SKAP1: variants seen among roughly 807,000 people sequenced by gnomAD.
SKAP1 encodes the protein src kinase associated phosphoprotein 1.
A neutral mutation model predicts 58.5 loss-of-function variants in SKAP1; 44 were observed. That is an observed-to-expected ratio of 0.75 (90% CI 0.59 to 0.97). SKAP1 has a LOEUF of 0.97. Among genes scored for constraint, SKAP1 ranks in the 50% least tolerant of loss-of-function variants. The pLI is 0.00. For missense variants in SKAP1, 390 were observed against 435.2 expected, an observed-to-expected ratio of 0.90 and a Z score of 0.92; for synonymous variants, 127 against 149.7, an observed-to-expected ratio of 0.85 and a Z score of 1.11.
At chr17:48,292,575 A>G (rs1310523695) in intron 4 of SKAP1, among the ~76,000 whole-genome samples, 2 of 152,230 alleles carry the variant, frequency 1.3e-5, no homozygotes, top group African/African-American at 4.8e-5. Context: ...AGTATTTACA[A>G]GATTATTAAA....
At chr17:48,229,305 C>T (rs1441457702) in intron 4 of SKAP1, among the ~76,000 whole-genome samples, 2 of 152,100 alleles carry the variant, frequency 1.3e-5, no homozygotes, top group African/African-American at 4.8e-5. Context: ...GTTAGCAGTA[C>T]TAAACCTTTT....
intron 4 of SKAP1, among the ~76,000 whole-genome samples, chr17:48,226,350 T>C (rs2065067962): frequency 6.6e-6 from 1 of 152,160 alleles, no homozygotes; most frequent in Non-Finnish European, 1.5e-5. Context: ...AAGATACGTT[T>C]TTTTTTTCCT....
intron 9 of SKAP1, among the ~76,000 whole-genome samples, chr17:48,172,757 G>T (rs2064233970): frequency 2.0e-5 from 3 of 152,082 alleles, no homozygotes. Flanking sequence ...TGTTTATAGG[G>T]CAATATGAGT....
At chr17:48,165,058 C>T (rs1297715431) in intron 10 of SKAP1, among the ~76,000 whole-genome samples, 1 of 152,150 alleles carries the variant, frequency 6.6e-6, no homozygotes, top group African/African-American at 2.4e-5. Flanking sequence ...ACCTTCTAGT[C>T]GGGGAAGCAC....
At chr17:48,155,487 A>C (rs1000519363) in intron 11 of SKAP1, among the ~76,000 whole-genome samples, 1 of 152,150 alleles carries the variant, frequency 6.6e-6, no homozygotes, top group Non-Finnish European at 1.5e-5. Flanking sequence ...AGACAGGGTC[A>C]CTTTTCTGAA....
At chr17:48,371,265 C>A (rs1048428045) in intron 2 of SKAP1, among the ~76,000 whole-genome samples, 5 of 152,078 alleles carry the variant, frequency 3.3e-5, no homozygotes, top group East Asian at 1.9e-4. Flanking sequence ...ACATGTACCC[C>A]CTGTGTCCAA....
At chr17:48,311,465 C>CT (rs1407877024) in intron 4 of SKAP1, among the ~76,000 whole-genome samples, 5 of 152,020 alleles carry the variant, frequency 3.3e-5, no homozygotes, top group Non-Finnish European at 5.9e-5. Context: ...TAAATAATTG[C>CT]TTTTTTGCGG....
upstream of SKAP1, among the ~76,000 whole-genome samples, chr17:48,433,034 A>G (rs867416982): frequency 1.3e-5 from 2 of 152,260 alleles, no homozygotes; most frequent in Middle Eastern, 3.4e-3. Context: ...CCAATACGGT[A>G]TTGTCATGTT....
rs185000707 is a variant in SKAP1 at position 48,214,852 on chromosome 17, G to A, written c.281-25352C>T. ...CAGGAGAATTGCTTAAACCTGGGAG[G>A]CGGAGGTTGCAGTGAGCTGAGATTG... On this transcript the variant is annotated intron_variant, in intron 4 of 12. Coordinates refer to ENST00000336915, the MANE Select transcript of SKAP1 (RefSeq NM_003726.4). 2.1e-3 allele frequency among the ~76,000 whole-genome samples: 312 copies of A among 151,640 alleles called. 1 individual carries two copies. Among genetic ancestry groups the A allele is most frequent in the African/African-American group, 7.3e-3 (302 of 41,362 alleles).
intron 2 of SKAP1, among the ~76,000 whole-genome samples, chr17:48,386,948 G>T (rs550935759): frequency 1.0e-3 from 159 of 152,312 alleles, no homozygotes; most frequent in South Asian, 1.9e-3. Context: ...CCATATGGCA[G>T]CATAGAACAC....
intron 4 of SKAP1, among the ~76,000 whole-genome samples, chr17:48,329,715 C>CA (rs1311860021): frequency 2.0e-5 from 3 of 151,690 alleles, no homozygotes; most frequent in African/African-American, 4.8e-5. Flanking sequence ...CTAAAAAAAA[C>CA]AAAAAAACAA....
rs545451379 is a variant in SKAP1 at position 48,136,178 on chromosome 17, T to C, written c.*7+1051A>G. Among the ~76,000 whole-genome samples, 183 of 141,646 alleles carry C rather than the reference T, an allele frequency of 1.3e-3. 1 individual carries two copies. The Middle Eastern group carries it at 0.021, about 16-fold the overall frequency. 92.9% of individuals were successfully genotyped at this position (141,646 alleles called of 152,430 possible). ...GAAGAGGGTATGCTTTTCTCTCTCT[T>C]TTTTTTTTTTCTCAAGACAGTCTTG... is the stretch of plus-strand genomic sequence containing the variant. On this transcript the variant is annotated intron_variant, in intron 12 of 12. Coordinates refer to ENST00000336915, the MANE Select transcript of SKAP1 (RefSeq NM_003726.4).
chr17:48,298,829 AG>A (rs1316229864), intron 4 of SKAP1, among the ~76,000 whole-genome samples: 2 of 152,214 alleles, frequency 1.3e-5, no homozygotes, highest in Non-Finnish European at 2.9e-5. Flanking sequence ...GGAAGTGGGT[AG>A]GAGGGATGCA....
chr17:48,210,852 T>C (rs551434105), intron 4 of SKAP1, among the ~76,000 whole-genome samples: 1 of 152,318 alleles, frequency 6.6e-6, no homozygotes, highest in South Asian at 2.1e-4. Flanking sequence ...CATAGTCTCC[T>C]CCCGAGTGTT....
chr17:48,252,400 G>C (rs1486304959), intron 4 of SKAP1, among the ~76,000 whole-genome samples: 1 of 152,172 alleles, frequency 6.6e-6, no homozygotes. Context: ...GCAAGAGAGA[G>C]GTCCCATAGC....
At chr17:48,135,623 G>A (rs898192845) in intron 12 of SKAP1, among the ~76,000 whole-genome samples, 1 of 151,860 alleles carries the variant, frequency 6.6e-6, no homozygotes, top group Non-Finnish European at 1.5e-5. Context: ...GCCTACAGAC[G>A]TGCACCACCA....
intron 4 of SKAP1, among the ~76,000 whole-genome samples, chr17:48,250,573 G>A (rs1030137033): frequency 5.3e-5 from 8 of 151,842 alleles, no homozygotes; most frequent in East Asian, 1.9e-4. Flanking sequence ...CAGCCACCAC[G>A]CCTGGCCATA....
At chr17:48,169,315 AC>A (rs1253487193) in intron 10 of SKAP1, among the ~76,000 whole-genome samples, 2 of 152,220 alleles carry the variant, frequency 1.3e-5, no homozygotes, top group Admixed American at 1.3e-4. Context: ...TAGGAAGCTT[AC>A]AGTTACTCCA....
chr17:48,398,687 A>G (rs2067453536), intron 1 of SKAP1, among the ~76,000 whole-genome samples: 1 of 152,166 alleles, frequency 6.6e-6, no homozygotes, highest in Admixed American at 6.5e-5. Flanking sequence ...ACGTCATTTA[A>G]CAACGCCAGG....
Sources: allele counts gnomAD v4.1 joint callset (sites outside exome capture counted in the v4.1 genomes callset), GRCh38; gene constraint gnomAD v4.1.1; transcripts MANE v1.5; gene names NCBI Gene and HGNC (gene_info 2026-07-23, HGNC 2026-07-21).